Variants in ADAMTS3 observed in about 807,000 individuals in gnomAD.
ADAMTS3 encodes ADAM metallopeptidase with thrombospondin type 1 motif 3, also known as A disintegrin and metalloproteinase with thrombospondin motifs 3.
In ADAMTS3, 73 loss-of-function variants were observed where a neutral mutation model predicts 129.0. That is an observed-to-expected ratio of 0.57 (90% CI 0.47 to 0.69). The LOEUF is 0.69. Ranked by LOEUF, ADAMTS3 falls within the 30% of genes least tolerant of loss-of-function variation. ADAMTS3 has a pLI of 0.00. For missense variants in ADAMTS3, 1,457 were observed against 1,514.5 expected (o/e 0.96, Z 0.63); for synonymous variants, 477 against 510.8 (o/e 0.93, Z 0.89).
At chr4:72,548,999 G>T in intron 2 of ADAMTS3, 115 bp from the exon 3 acceptor site, 1 of 882,138 alleles carries the variant, frequency 1.1e-6, no homozygotes, top group Non-Finnish European at 1.6e-6. Flanking sequence ...GCATAATATA[G>T]ACATTCCTGA....
chr4:72,449,075 C>T (rs1191294634), intron 3 of ADAMTS3, among the ~76,000 whole-genome samples: 1 of 151,640 alleles, frequency 6.6e-6, no homozygotes, highest in Non-Finnish European at 1.5e-5. Flanking sequence ...TCCTTATTTT[C>T]CCCCAGCTTA....
chr4:72,410,453 G>A (rs1373040588), intron 4 of ADAMTS3, among the ~76,000 whole-genome samples: 1 of 152,112 alleles, frequency 6.6e-6, no homozygotes, highest in East Asian at 1.9e-4. Flanking sequence ...GTTTCCCACT[G>A]GTAGGATGTA....
chr4:72,429,961 TA>T (rs773805622), intron 3 of ADAMTS3, among the ~76,000 whole-genome samples: 15 of 152,006 alleles, frequency 9.9e-5, no homozygotes, highest in Admixed American at 4.6e-4. Context: ...TAAGATTCAG[TA>T]TTCCTAATAA....
At chr4:72,394,996 C>T (rs1006304846) in intron 4 of ADAMTS3, among the ~76,000 whole-genome samples, 6 of 151,790 alleles carry the variant, frequency 4.0e-5, no homozygotes, top group African/African-American at 1.5e-4. Flanking sequence ...ACGATCTCGA[C>T]TCACTGCAAC....
chr4:72,495,070 T>G (rs780382453), intron 3 of ADAMTS3, among the ~76,000 whole-genome samples: 7 of 152,150 alleles, frequency 4.6e-5, no homozygotes, highest in Non-Finnish European at 1.0e-4. Context: ...GGCAGCAATG[T>G]CCGGGTCTGG....
intron 3 of ADAMTS3, among the ~76,000 whole-genome samples, chr4:72,417,629 T>C (rs997353722): frequency 3.3e-5 from 5 of 151,998 alleles, no homozygotes; most frequent in Non-Finnish European, 7.4e-5. Context: ...TAAAGTTTAA[T>C]GAAAGAAAGT....
chr4:72,455,872 G>GTA lies in ADAMTS3; in HGVS notation c.505-40903_505-40902dup, dbSNP rs1347580853. ...ATATTTTATATATAGTATATACACTGTATATACTATATATATTTTATATAT... is the reference window on the plus strand; with the variant it reads ...ATATTTTATATATAGTATATACACTGTATATATACTATATATATTTTATATAT... On this transcript the variant is annotated intron_variant, in intron 3 of 21. Coordinates refer to ENST00000286657, the MANE Select transcript of ADAMTS3 (RefSeq NM_014243.3). Among the ~76,000 whole-genome samples the GTA allele has an allele frequency of 2.0e-4, 19 of 96,354 alleles. No individual in the cohort carries two copies. In the East Asian group the frequency reaches 2.4e-3, roughly 12 times the overall value. 63.2% of individuals were successfully genotyped at this position (96,354 alleles called of 152,430 possible).
At chr4:72,420,373 G>T (rs1056617986) in intron 3 of ADAMTS3, among the ~76,000 whole-genome samples, 24 of 151,980 alleles carry the variant, frequency 1.6e-4, no homozygotes, top group Non-Finnish European at 2.8e-4. Context: ...TCCTCTACTT[G>T]GAATCCTCTT....
At chr4:72,492,968 T>C (rs1010907477) in intron 3 of ADAMTS3, among the ~76,000 whole-genome samples, 9 of 151,946 alleles carry the variant, frequency 5.9e-5, no homozygotes, top group East Asian at 1.9e-4. Context: ...CTTTTATCAA[T>C]GTATAATGAC....
chr4:72,530,819 TTA>T (rs1202156109), intron 3 of ADAMTS3, among the ~76,000 whole-genome samples: 15 of 110,078 alleles, frequency 1.4e-4, no homozygotes, highest in Non-Finnish European at 2.5e-4. Flanking sequence ...ATATTATATA[TTA>T]TATAGATTAT....
At chr4:72,418,056 G>A (rs1455089260) in intron 3 of ADAMTS3, among the ~76,000 whole-genome samples, 1 of 151,742 alleles carries the variant, frequency 6.6e-6, no homozygotes, top group Non-Finnish European at 1.5e-5. Flanking sequence ...TAAAATACAT[G>A]CCTACTGAAA....
At chr4:72,422,562 T>C (rs577045009) in intron 3 of ADAMTS3, among the ~76,000 whole-genome samples, 165 of 152,250 alleles carry the variant, frequency 1.1e-3, no homozygotes, top group African/African-American at 3.9e-3. Flanking sequence ...CAATGATGTA[T>C]GCTAAAAAGC....
At chr4:72,518,934 A>C (rs1385676054) in intron 3 of ADAMTS3, among the ~76,000 whole-genome samples, 1 of 152,018 alleles carries the variant, frequency 6.6e-6, no homozygotes, top group Middle Eastern at 3.2e-3. Context: ...TCCTAGTCTC[A>C]ATGGTCTTTA....
chr4:72,347,805 A>G (rs113355483), intron 4 of ADAMTS3, among the ~76,000 whole-genome samples: 1 of 152,048 alleles, frequency 6.6e-6, no homozygotes, highest in African/African-American at 2.4e-5. Context: ...CATTCTAGTA[A>G]TCTTAGACTG....
chr4:72,298,145 T>G (rs1718856525), intron 18 of ADAMTS3, 132 bp downstream of exon 18: 1 of 655,946 alleles, frequency 1.5e-6, no homozygotes, highest in Admixed American at 2.9e-5. Context: ...AAATGTTTTG[T>G]ATTGATGTTT....
intron 5 of ADAMTS3, among the ~76,000 whole-genome samples, chr4:72,336,950 C>G: frequency 6.6e-6 from 1 of 152,050 alleles, no homozygotes; most frequent in Non-Finnish European, 1.5e-5. Context: ...AGTTGAGAAC[C>G]ACTGATTTAG....
chr4:72,356,453 T>C (rs1366232185), intron 4 of ADAMTS3, among the ~76,000 whole-genome samples: 3 of 151,900 alleles, frequency 2.0e-5, no homozygotes, highest in Non-Finnish European at 4.4e-5. Flanking sequence ...TGTGAGTTCA[T>C]CTAGTTGTTA....
chr4:72,520,596 T>C lies in ADAMTS3; in HGVS notation c.504+27882A>G, dbSNP rs569512958. On this transcript the variant is annotated intron_variant, in intron 3 of 21. Transcript: ENST00000286657. ...GCCGCCTTGCAGTTTGATCTCAGAC[T>C]GCCGTGCTAGCAATCAGTGAGACTC... Among the ~76,000 whole-genome samples the C allele has an allele frequency of 1.1e-4, 17 of 152,330 alleles. 1 individual carries two copies. The South Asian group carries it at 1.5e-3, about 13-fold the overall frequency.
rs554924992 is a variant in ADAMTS3 at position 72,413,440 on chromosome 4, C to T, written c.661+1375G>A. Among the ~76,000 whole-genome samples, 3 of 152,118 alleles carry T rather than the reference C, an allele frequency of 2.0e-5. No homozygotes were observed. The South Asian group carries it at 6.2e-4, about 32-fold the overall frequency. On this transcript the variant is annotated intron_variant, in intron 4 of 21. Coordinates refer to ENST00000286657, the MANE Select transcript of ADAMTS3 (RefSeq NM_014243.3). ...TCTTTTCCTTAACATAACCAGTCTT[C>T]TGATTTAGAATAACATTTTAAGAAT...
Sources: gnomAD v4.1 joint callset for allele counts (sites outside exome capture counted in the v4.1 genomes callset) on GRCh38, gnomAD v4.1.1 for gene constraint, MANE v1.5 for transcripts, NCBI Gene and HGNC (gene_info 2026-07-23, HGNC 2026-07-21) for gene names.